LPIN3: variants seen among roughly 807,000 people sequenced by gnomAD.
The protein encoded by LPIN3 is lipin 3.
In LPIN3, 82 loss-of-function variants were observed where a neutral mutation model predicts 94.7. That is an observed-to-expected ratio of 0.87 (90% CI 0.72 to 1.04). LPIN3 has a LOEUF of 1.04. LPIN3 is among the 50% of genes least tolerant of loss of function. LPIN3 has a pLI of 0.00. For missense variants in LPIN3, 996 were observed against 1,090.5 expected, an observed-to-expected ratio of 0.91 and a Z score of 1.22; for synonymous variants, 418 against 443.3, an observed-to-expected ratio of 0.94 and a Z score of 0.72.
chr20:41,358,601 T>A, intron 19 of LPIN3, 59 bp downstream of exon 19: 2 of 1,602,486 alleles, frequency 1.2e-6, no homozygotes, highest in South Asian at 2.2e-5. Flanking sequence ...CCCTGGCTTC[T>A]CCCTGGGCCC....
intron 13 of LPIN3, 30 bp downstream of exon 13, chr20:41,354,893 A>AG: frequency 6.5e-7 from 1 of 1,546,958 alleles, no homozygotes; most frequent in Non-Finnish European, 8.7e-7. Flanking sequence ...GGGGCTCTGC[A>AG]GGGGGAGCCT....
intron 3 of LPIN3, among the ~76,000 whole-genome samples, chr20:41,347,855 ACT>A (rs1182301162): frequency 1.3e-5 from 2 of 151,846 alleles, no homozygotes; most frequent in Non-Finnish European, 2.9e-5. Flanking sequence ...GTACCAACTG[ACT>A]CTATTTACTG....
chr20:41,347,527 C>T (rs1204959794), intron 2 of LPIN3, 25 bp from the exon 3 acceptor site: 10 of 1,608,978 alleles, frequency 6.2e-6, no homozygotes, highest in Non-Finnish European at 8.5e-6. Context: ...AGGCCCATGT[C>T]CCTGCCACCG....
intron 14 of LPIN3, 148 bp downstream of exon 14, chr20:41,356,182 C>A: frequency 8.7e-7 from 1 of 1,154,854 alleles, no homozygotes; most frequent in Non-Finnish European, 1.2e-6. Context: ...TCCCTGATGG[C>A]CTCCACTTGA....
At position 41,350,104 on chromosome 20, in the gene LPIN3, C is replaced by G. The variant is rs771045572; in HGVS notation, c.809C>G (p.Ala270Gly). ...TCCTCAGTGGTCCTTGAAGGCAGAGCTGGGGCAACCTCTCCTCCTCGGGGA... is the reference window on the plus strand; with the variant it reads ...TCCTCAGTGGTCCTTGAAGGCAGAGGTGGGGCAACCTCTCCTCCTCGGGGA... ...PESSVVLEGRAGATSPPRGGP... is the reference protein window; with the variant it reads ...PESSVVLEGRGGATSPPRGGP... The change falls in exon 7 of 20, where the codon GCT becomes GGT. Residue 270 changes from alanine to glycine, a missense_variant. Coordinates refer to ENST00000373257, the MANE Select transcript of LPIN3 (RefSeq NM_022896.3). The G allele has an allele frequency of 6.2e-7, 1 of 1,610,474 alleles. No individual in the cohort carries two copies. The highest frequency in any genetic ancestry group is 1.3e-5 in the African/African-American group (1 of 74,882).
chr20:41,351,998 G>A (rs2046034107), intron 8 of LPIN3, 62 bp from the exon 9 acceptor site: 4 of 1,613,014 alleles, frequency 2.5e-6, no homozygotes, highest in Middle Eastern at 1.6e-4. Context: ...GGCCTGTGAG[G>A]AGGGAGGACC....
In LPIN3 at chr20:41,360,230, T is replaced by C. The variant is rs1461222176; in HGVS notation, c.*1364T>C. On this transcript the variant is annotated 3_prime_UTR_variant, in exon 20 of 20. Coordinates refer to ENST00000373257, the MANE Select transcript of LPIN3 (RefSeq NM_022896.3). ...TTTCGTACCTGAATTTCTCACCTTTTGTGAACATCTTGGGAGGGTGGGGGT... is the reference window on the plus strand; with the variant it reads ...TTTCGTACCTGAATTTCTCACCTTTCGTGAACATCTTGGGAGGGTGGGGGT... 1 of 152,550 alleles carries C rather than the reference T, an allele frequency of 6.6e-6. No homozygotes were observed. Among genetic ancestry groups the C allele is most frequent in the Non-Finnish European group, 1.5e-5 (1 of 68,078 alleles). 9.4% of individuals were successfully genotyped at this position (152,550 alleles called of 1,614,324 possible). A position where few individuals can be genotyped will look rare whatever the true frequency, so the allele number is the denominator to read the frequency against.
intron 3 of LPIN3, among the ~76,000 whole-genome samples, chr20:41,348,417 G>A (rs1438258595): frequency 6.6e-6 from 1 of 152,196 alleles, no homozygotes; most frequent in Non-Finnish European, 1.5e-5. Context: ...TGCCTGGCCT[G>A]CCAGGGTGGC....
At chr20:41,346,764 A>T (rs938910337) in intron 2 of LPIN3, among the ~76,000 whole-genome samples, 3 of 152,246 alleles carry the variant, frequency 2.0e-5, no homozygotes, top group East Asian at 1.9e-4. Context: ...AATAAATAAA[A>T]ATAAATAAAT....
intron 2 of LPIN3, among the ~76,000 whole-genome samples, chr20:41,346,282 T>C (rs1476138888): frequency 1.3e-5 from 2 of 152,258 alleles, no homozygotes. Context: ...CTGTGTGTTC[T>C]TGGTAAGTCA....
intron 11 of LPIN3, among the ~76,000 whole-genome samples, chr20:41,353,152 G>A (rs946155305): frequency 2.0e-5 from 3 of 152,232 alleles, no homozygotes; most frequent in African/African-American, 7.2e-5. Flanking sequence ...CTTAAACAAG[G>A]ACATGTCTTT....
At position 41,357,719 on chromosome 20, in the gene LPIN3, C is replaced by T. The variant is rs186982789; in HGVS notation, c.2040-163C>T. 1.5e-3 allele frequency among the ~76,000 whole-genome samples: 227 copies of T among 152,350 alleles called. 1 individual carries two copies. The highest frequency in any genetic ancestry group is 0.011 in the Admixed American group (165 of 15,312). On this transcript the variant is annotated intron_variant, in intron 16 of 19. Transcript: ENST00000373257. ...ACCCAGGCCTCAGGACTCTGTGCAC[C>T]GTCCAGCTGAGTCCACTGCCTGGCC...
Position 41,342,166 on chromosome 20 carries a change from C to T in LPIN3, c.-9+1164C>T, listed in dbSNP as rs75325727. Among the ~76,000 whole-genome samples, 739 of 152,250 alleles carry T rather than the reference C, an allele frequency of 4.9e-3. 2 individuals are homozygous for T. Among genetic ancestry groups the T allele is most frequent in the Non-Finnish European group, 6.5e-3 (443 of 68,018 alleles). ...TACACAAAGTCATTAGTTACTCACA[C>T]GTGCCTGATGTTATTCCCATTTTGG... On this transcript the variant is annotated intron_variant, in intron 1 of 19. Transcript: ENST00000373257.
intron 1 of LPIN3, among the ~76,000 whole-genome samples, chr20:41,343,043 G>A (rs560332802): frequency 1.1e-4 from 16 of 152,192 alleles, no homozygotes; most frequent in Non-Finnish European, 1.8e-4. Context: ...CAATTTGGCT[G>A]TCACAACCTG....
chr20:41,348,382 G>T (rs569567884), intron 3 of LPIN3, among the ~76,000 whole-genome samples: 1 of 152,208 alleles, frequency 6.6e-6, no homozygotes, highest in Non-Finnish European at 1.5e-5. Flanking sequence ...TAGAAGAGGA[G>T]ATCAGAGGCC....
At chr20:41,354,758 G>A (rs762512469) in intron 12 of LPIN3, 21 bp downstream of exon 12, 1 of 1,606,940 alleles carries the variant, frequency 6.2e-7, no homozygotes, top group South Asian at 1.1e-5. Context: ...ACAGTCGAGG[G>A]CCAGGGCCAG....
chr20:41,351,940 C>T lies in LPIN3; in HGVS notation c.1202+20C>T, dbSNP rs1361469941. On this transcript the variant is annotated intron_variant, in intron 8 of 19. Coordinates refer to ENST00000373257, the MANE Select transcript of LPIN3 (RefSeq NM_022896.3). ...CCAAAGGTGCCTGGGTTCTGGATGC[C>T]AGGGTGTCTTGGGTCTGGGCTCCTG... The T allele has an allele frequency of 5.0e-6, 8 of 1,614,060 alleles. No individual in the cohort carries two copies. Among genetic ancestry groups the T allele is most frequent in the Non-Finnish European group, 5.9e-6 (7 of 1,179,920 alleles).
chr20:41,344,948 A>T (rs577699223), intron 1 of LPIN3, among the ~76,000 whole-genome samples: 2 of 152,214 alleles, frequency 1.3e-5, no homozygotes, highest in Non-Finnish European at 2.9e-5. Context: ...TTGGGGCCTT[A>T]AGCCCCCAGC....
intron 1 of LPIN3, among the ~76,000 whole-genome samples, chr20:41,342,377 T>C (rs2045614341): frequency 6.6e-6 from 1 of 152,090 alleles, no homozygotes; most frequent in Admixed American, 6.5e-5. Flanking sequence ...AGGGGCTGGA[T>C]GAGCAGGAAA....
Sources: gnomAD v4.1 joint callset for allele counts (sites outside exome capture counted in the v4.1 genomes callset) on GRCh38, gnomAD v4.1.1 for gene constraint, MANE v1.5 for transcripts, NCBI Gene and HGNC (gene_info 2026-07-23, HGNC 2026-07-21) for gene names.